Variants in VPS13A observed in about 807,000 individuals in gnomAD.
The protein encoded by VPS13A is vacuolar protein sorting 13 homolog A.
VPS13A carries 264 observed loss-of-function variants against 390.9 expected under a neutral mutation model. The observed-to-expected ratio is 0.68, with a 90% CI of 0.61 to 0.75. The LOEUF (loss-of-function observed/expected upper bound fraction) is 0.75. Among genes scored for constraint, VPS13A ranks in the 30% least tolerant of loss-of-function variants. The pLI, the probability that VPS13A is intolerant of heterozygous loss-of-function variation, is 0.00. For missense variants in VPS13A, 3,409 were observed against 3,733.9 expected (o/e 0.91, Z 2.27); for synonymous variants, 1,231 against 1,227.1 (o/e 1.00, Z -0.07).
At chr9:77,226,711 T>C in intron 15 of VPS13A, 113 bp downstream of exon 15, 1 of 866,814 alleles carries the variant, frequency 1.2e-6, no homozygotes, top group Admixed American at 3.5e-5. Context: ...TTTAATTATA[T>C]ATAAAGTTAT....
At chr9:77,247,437 G>GC in intron 20 of VPS13A, 42 bp downstream of exon 20, 1 of 1,535,380 alleles carries the variant, frequency 6.5e-7, no homozygotes, top group South Asian at 1.3e-5. Flanking sequence ...AGCATTTGGG[G>GC]TGTTTCTTTG....
Position 77,293,399 on chromosome 9 carries a change from C to T in VPS13A, c.3398C>T (p.Ala1133Val), listed in dbSNP as rs764493752. The stretch of plus-strand genomic sequence containing the variant: ...TTCAAAATGGTTTCTTACATGGATG[C>T]AACTGCTGGTTCTGCATACACAGAT... ...FSFKMVSYMD[A>V]TAGSAYTDMN... is the part of the protein sequence containing the mutation. Residue 1133 changes from alanine to valine, a missense_variant, in exon 32 of 72, where the codon GCA becomes GTA. Ala to Val is a moderately conservative substitution (Grantham distance 64). Transcript: ENST00000360280. 1 of 1,613,346 alleles carries T rather than the reference C, an allele frequency of 6.2e-7. No individual in the cohort carries two copies. Among genetic ancestry groups the T allele is most frequent in the South Asian group, 1.1e-5 (1 of 91,000 alleles).
At chr9:77,385,450 T>G (rs2377906) in intron 68 of VPS13A, among the ~76,000 whole-genome samples, 1 of 129,978 alleles carries the variant, frequency 7.7e-6, no homozygotes, top group Non-Finnish European at 1.8e-5. Flanking sequence ...ATTTCTATTA[T>G]GAATTCAGAA....
intron 2 of VPS13A, 128 bp from the exon 3 acceptor site, chr9:77,201,237 A>T (rs1218097583): frequency 4.7e-6 from 3 of 640,384 alleles, no homozygotes; most frequent in East Asian, 5.6e-5. Context: ...ATAAATGTTG[A>T]TGATAAGGAA....
intron 67 of VPS13A, among the ~76,000 whole-genome samples, chr9:77,372,437 C>A (rs1446659414): frequency 6.6e-6 from 1 of 152,114 alleles, no homozygotes; most frequent in South Asian, 2.1e-4. Context: ...TTCAACAACC[C>A]TTCATGCTAA....
chr9:77,308,183 T>C, intron 35 of VPS13A, 85 bp downstream of exon 35: 1 of 1,432,776 alleles, frequency 7.0e-7, no homozygotes, highest in Non-Finnish European at 9.8e-7. Flanking sequence ...CCTTCTGTCT[T>C]TTCCCTCCTT....
At chr9:77,250,326 C>T (rs567564738) in intron 21 of VPS13A, 97 bp downstream of exon 21, 37 of 1,410,188 alleles carry the variant, frequency 2.6e-5, no homozygotes, top group South Asian at 2.1e-4. Context: ...TGTGTTAGAA[C>T]GTCTATATTT....
Position 77,213,058 on chromosome 9 carries a change from G to C in VPS13A, c.615+30G>C, listed in dbSNP as rs1295605563. On this transcript the variant is annotated intron_variant, in intron 8 of 71. Transcript: ENST00000360280. ...ATAAATACTGTGTTTGTCAACTCAT[G>C]GACTTAAGAGAATTTTGGAAAGCCA... The C allele has an allele frequency of 1.9e-6, 3 of 1,612,292 alleles. No homozygotes were observed. The East Asian group carries it at 6.7e-5, about 36-fold the overall frequency.
intron 57 of VPS13A, 79 bp from the exon 58 acceptor site, chr9:77,359,254 A>T: frequency 1.7e-6 from 2 of 1,145,478 alleles, no homozygotes; most frequent in South Asian, 2.7e-5. Flanking sequence ...TTAATTTTCC[A>T]TTGTGGTGTA....
intron 43 of VPS13A, 54 bp downstream of exon 43, chr9:77,321,381 G>A (rs901957688): frequency 2.5e-6 from 4 of 1,580,690 alleles, no homozygotes; most frequent in Non-Finnish European, 3.5e-6. Context: ...TGATTGATCT[G>A]TCTGTTGAAT....
chr9:77,280,327 A>C, intron 27 of VPS13A, 89 bp downstream of exon 27: 1 of 1,079,380 alleles, frequency 9.3e-7, no homozygotes, highest in Non-Finnish European at 1.4e-6. Context: ...CAGTTTATTT[A>C]ATCTTCACTG....
intron 68 of VPS13A, among the ~76,000 whole-genome samples, chr9:77,400,827 G>GAAA (rs60578931): frequency 2.5e-4 from 34 of 133,488 alleles, no homozygotes; most frequent in African/African-American, 8.2e-4. Flanking sequence ...GACTCTGTCT[G>GAAA]AAAAAAAAAA....
At chr9:77,266,822 G>T (rs112234487) in intron 23 of VPS13A, among the ~76,000 whole-genome samples, 8,307 of 152,002 alleles carry the variant, frequency 0.055, 333 homozygotes, top group South Asian at 0.12. Context: ...TTTGGTCTTT[G>T]CACATAGTCC....
chr9:77,191,295 C>CTT (rs200313087), intron 1 of VPS13A, among the ~76,000 whole-genome samples: 5,904 of 134,500 alleles, frequency 0.044, 210 homozygotes, highest in Non-Finnish European at 0.063. Flanking sequence ...TTTTCTTCTT[C>CTT]TTTTTTTTTT....
chr9:77,350,681 G>T (rs1831408837), intron 52 of VPS13A, among the ~76,000 whole-genome samples: 1 of 152,042 alleles, frequency 6.6e-6, no homozygotes, highest in South Asian at 2.1e-4. Context: ...CTAGATATGT[G>T]TTAGGGTTTT....
chr9:77,295,694 C>T lies in VPS13A; in HGVS notation c.3660C>T (p.Ile1220=), dbSNP rs779999348. ...ACATCAAAGCCCCAGTTGTGGTCAT[C>T]CCGCAGTCTCCAGTTTCTGAAAATG... ...DINIKAPVVV[I]PQSPVSENVF... The change falls in exon 33 of 72, where the codon ATC becomes ATT. Residue 1220 remains isoleucine, a synonymous_variant. Transcript: ENST00000360280. The T allele has an allele frequency of 9.9e-6, 16 of 1,613,928 alleles. No homozygotes were observed. The African/African-American group carries it at 1.7e-4, about 18-fold the overall frequency.
At chr9:77,303,352 G>A (rs1448272831) in intron 34 of VPS13A, among the ~76,000 whole-genome samples, 1 of 152,126 alleles carries the variant, frequency 6.6e-6, no homozygotes, top group Non-Finnish European at 1.5e-5. Flanking sequence ...AGGTATAGTA[G>A]TAGTTAGATA....
intron 54 of VPS13A, among the ~76,000 whole-genome samples, chr9:77,356,313 A>G (rs1214896877): frequency 6.6e-6 from 1 of 151,862 alleles, no homozygotes; most frequent in African/African-American, 2.4e-5. Flanking sequence ...CCCATTGACC[A>G]CTCTAATATT....
intron 6 of VPS13A, among the ~76,000 whole-genome samples, chr9:77,210,058 T>C (rs745984143): frequency 6.6e-6 from 1 of 152,120 alleles, no homozygotes; most frequent in Non-Finnish European, 1.5e-5. Flanking sequence ...AGGAAAAATA[T>C]AGGAATGAAA....
Sources: allele counts gnomAD v4.1 joint callset (sites outside exome capture counted in the v4.1 genomes callset), GRCh38; gene constraint gnomAD v4.1.1; transcripts MANE v1.5; gene names NCBI Gene and HGNC (gene_info 2026-07-23, HGNC 2026-07-21).